ASPA: variants seen among roughly 807,000 people sequenced by gnomAD.
ASPA encodes ACY-2.
A neutral mutation model predicts 29.6 loss-of-function variants in ASPA; 25 were observed. The observed-to-expected ratio is 0.85, with a 90% CI of 0.62 to 1.18. ASPA has a LOEUF of 1.18. ASPA is among the 50% of genes most tolerant of loss of function. The pLI is 0.00. For synonymous variants in ASPA, 131 were observed against 130.3 expected (o/e 1.01, Z -0.04); for missense variants, 333 against 385.7 (o/e 0.86, Z 1.14).
Position 3,476,008 on chromosome 17 carries a change from C to A in ASPA, c.-152C>A. 1 of 714,122 alleles carries A rather than the reference C, an allele frequency of 1.4e-6. No homozygotes were observed. The highest frequency in any genetic ancestry group is 2.3e-6 in the Non-Finnish European group (1 of 429,528). 44.2% of individuals were successfully genotyped at this position (714,122 alleles called of 1,614,324 possible). On this transcript the variant is annotated 5_prime_UTR_variant, in exon 1 of 6. Transcript: ENST00000263080. Reference sequence around the variant, plus strand: ...CATAAACGGGGCTCAGAACTTGTAACAGAAAATTAAAATATACTCCACTCA... The same window carrying A: ...CATAAACGGGGCTCAGAACTTGTAAAAGAAAATTAAAATATACTCCACTCA...
chr17:3,474,641 TTCTC>T (rs1219846059), upstream of ASPA, among the ~76,000 whole-genome samples: 6 of 152,380 alleles, frequency 3.9e-5, no homozygotes, highest in African/African-American at 1.2e-4. Flanking sequence ...TTATTTTGCT[TTCTC>T]TATCTCTGCA....
In ASPA at chr17:3,498,952, C is replaced by T. The variant is rs773849106; in HGVS notation, c.806C>T (p.Thr269Met). 83 of 1,612,616 alleles carry T rather than the reference C, an allele frequency of 5.1e-5. No homozygotes were observed. The South Asian group carries it at 5.7e-4, about 11-fold the overall frequency. The change falls in exon 6 of 6, where the codon ACG (threonine) becomes ATG (methionine). Residue 269 changes from threonine to methionine, a missense_variant. Thr to Met is a moderately conservative substitution (Grantham distance 81). Coordinates refer to ENST00000263080, the MANE Select transcript of ASPA (RefSeq NM_000049.4). The part of the protein sequence containing the change: ...DPMFLTLDGK[T>M]IPLGGDCTVY... ...ATGTTTTTAACTCTTGATGGGAAGACGATCCCACTGGGCGGAGACTGTACC... is the reference window on the plus strand; with the variant it reads ...ATGTTTTTAACTCTTGATGGGAAGATGATCCCACTGGGCGGAGACTGTACC...
chr17:3,488,001 A>G lies in ASPA; in HGVS notation c.527-1234A>G, dbSNP rs1261921677. Among the ~76,000 whole-genome samples the G allele has an allele frequency of 6.6e-6, 1 of 152,260 alleles. No homozygotes were observed. The highest frequency in any genetic ancestry group is 1.5e-5 in the Non-Finnish European group (1 of 68,042). ...ATATATGTTCATACATATATGCAAG[A>G]AACCTAAGCACAACAAATAAAAAAT... On this transcript the variant is annotated intron_variant, in intron 3 of 5. Coordinates refer to ENST00000263080, the MANE Select transcript of ASPA (RefSeq NM_000049.4). The surrounding 1 kb of genome is among the most constrained non-coding windows in gnomAD (Gnocchi z 6.1).
At position 3,489,395 on chromosome 17, in the gene ASPA, A is replaced by C. The variant is rs2073783686; in HGVS notation, c.634+53A>C. The stretch of plus-strand genomic sequence containing the variant: ...AAACTTAACCACCAAACATTTAAAT[A>C]ACAATTGGAACCTGGGTCAGATTTG... On this transcript the variant is annotated intron_variant, in intron 4 of 5. Transcript: ENST00000263080. The C allele has an allele frequency of 2.3e-5, 32 of 1,413,650 alleles. No homozygotes were observed. In the South Asian group the frequency reaches 3.6e-4, roughly 16 times the overall value. The allele number at this position is 1,413,650 out of a possible 1,614,324, so 87.6% of individuals were successfully genotyped here.
chr17:3,481,936 G>A (rs944570335), intron 2 of ASPA, 138 bp downstream of exon 2: 1 of 811,568 alleles, frequency 1.2e-6, no homozygotes, highest in Non-Finnish European at 1.9e-6. Context: ...AGGCTTGGTG[G>A]TTGGGGGGAA....
chr17:3,484,163 C>G (rs1414156361), intron 3 of ASPA, among the ~76,000 whole-genome samples: 21 of 152,278 alleles, frequency 1.4e-4, no homozygotes, highest in Admixed American at 1.4e-3. Flanking sequence ...TTCTCATTCT[C>G]AAGATTCAGT....
chr17:3,486,554 C>G (rs1309235357), intron 3 of ASPA, among the ~76,000 whole-genome samples: 1 of 152,194 alleles, frequency 6.6e-6, no homozygotes, highest in African/African-American at 2.4e-5. Context: ...TGCAGCCCCA[C>G]ACTCTCACAC....
At chr17:3,493,207 C>T (rs187935605) in intron 4 of ASPA, among the ~76,000 whole-genome samples, 3 of 152,314 alleles carry the variant, frequency 2.0e-5, no homozygotes, top group African/African-American at 7.2e-5. Flanking sequence ...CCACCACTGG[C>T]AGGCTGCCTG....
chr17:3,499,252 T>A lies in ASPA; in HGVS notation c.*164T>A. 1.7e-6 allele frequency: 1 copy of A among 574,368 alleles called. No individual in the cohort carries two copies. The highest frequency in any genetic ancestry group is 2.9e-6 in the Non-Finnish European group (1 of 339,198). 35.6% of individuals were successfully genotyped at this position (574,368 alleles called of 1,614,324 possible). On this transcript the variant is annotated 3_prime_UTR_variant, in exon 6 of 6. Transcript: ENST00000263080. The stretch of plus-strand genomic sequence containing the variant: ...CATTTCTTAAATTAATTAATATATC[T>A]TTAAAGATATCATATTTTATGTATG...
chr17:3,483,056 A>G (rs939376900), intron 2 of ASPA, among the ~76,000 whole-genome samples: 56 of 151,176 alleles, frequency 3.7e-4, no homozygotes, highest in African/African-American at 1.3e-3. Context: ...CCTGTCTTCA[A>G]TTTTCATGCA....
intron 1 of ASPA, 74 bp from the exon 2 acceptor site, chr17:3,481,529 A>G (rs1195873540): frequency 4.3e-6 from 6 of 1,398,914 alleles, no homozygotes; most frequent in Non-Finnish European, 5.9e-6. Flanking sequence ...TTCTTTTTAC[A>G]CTGTGTTCTT....
In ASPA at chr17:3,481,739, A is replaced by C. The variant is rs1567611105; in HGVS notation, c.373A>C (p.Thr125Pro). The change falls in exon 2 of 6, where the codon ACT (threonine) becomes CCT (proline). Residue 125 changes from threonine (T) to proline (P), a missense_variant. Physicochemically the swap from Thr to Pro is conservative, Grantham distance 38. Coordinates refer to ENST00000263080, the MANE Select transcript of ASPA (RefSeq NM_000049.4). ...CAACACCACCTCTAACATGGGGTGCACTCTTATTCTTGAGGATTCCAGGAA... is the reference window on the plus strand; with the variant it reads ...CAACACCACCTCTAACATGGGGTGCCCTCTTATTCTTGAGGATTCCAGGAA... The part of the protein sequence containing the change: ...LHNTTSNMGC[T>P]LILEDSRNNF... 3 of 1,613,508 alleles carry C rather than the reference A, an allele frequency of 1.9e-6. No individual in the cohort carries two copies. Among genetic ancestry groups the C allele is most frequent in the East Asian group, 2.2e-5 (1 of 44,848 alleles).
chr17:3,483,470 C>T (rs748972619), intron 2 of ASPA, 29 bp from the exon 3 acceptor site: 2 of 1,585,932 alleles, frequency 1.3e-6, no homozygotes, highest in Non-Finnish European at 1.7e-6. Context: ...CGGTTTTTAC[C>T]TAAGAAAGAC....
At chr17:3,494,272 G>A in intron 4 of ASPA, 78 bp from the exon 5 acceptor site, 1 of 1,125,004 alleles carries the variant, frequency 8.9e-7, no homozygotes, top group Non-Finnish European at 1.3e-6. Flanking sequence ...CCAAAGTGCT[G>A]GGATGACAGG....
At chr17:3,477,613 C>T (rs2073549410) in intron 1 of ASPA, among the ~76,000 whole-genome samples, 1 of 151,906 alleles carries the variant, frequency 6.6e-6, no homozygotes, top group African/African-American at 2.4e-5. Flanking sequence ...CCACCATGTC[C>T]GGGTAATTTT....
intron 3 of ASPA, among the ~76,000 whole-genome samples, chr17:3,484,729 C>T (rs2073690113): frequency 6.6e-6 from 1 of 150,736 alleles, no homozygotes; most frequent in Non-Finnish European, 1.5e-5. Flanking sequence ...TTTCTAAACA[C>T]TTACTTTAAT....
At chr17:3,492,301 G>C (rs1252244853) in intron 4 of ASPA, among the ~76,000 whole-genome samples, 1 of 152,216 alleles carries the variant, frequency 6.6e-6, no homozygotes, top group African/African-American at 2.4e-5. Flanking sequence ...CTCAAACATA[G>C]ATGGAAGTTA....
At chr17:3,482,488 A>G (rs968187196) in intron 2 of ASPA, among the ~76,000 whole-genome samples, 4 of 152,178 alleles carry the variant, frequency 2.6e-5, no homozygotes, top group Non-Finnish European at 4.4e-5. Flanking sequence ...AGGATGATTG[A>G]GAGGAAAGAG....
intron 5 of ASPA, among the ~76,000 whole-genome samples, chr17:3,494,687 G>A (rs1243173033): frequency 6.6e-6 from 1 of 152,126 alleles, no homozygotes; most frequent in Non-Finnish European, 1.5e-5. Flanking sequence ...ACGCTCAATG[G>A]AATTTATAGT....
Sources: gnomAD v4.1 joint callset for allele counts (sites outside exome capture counted in the v4.1 genomes callset) on GRCh38, gnomAD v4.1.1 for gene constraint, Gnocchi (gnomAD v3.1) non-coding constraint, MANE v1.5 for transcripts, NCBI Gene and HGNC (gene_info 2026-07-23, HGNC 2026-07-21) for gene names.